CALCR: variants seen among roughly 807,000 people sequenced by gnomAD.
CALCR encodes the protein calcitonin receptor.
In CALCR, 47 loss-of-function variants were observed where a neutral mutation model predicts 59.5. The observed-to-expected ratio is 0.79, with a 90% CI of 0.63 to 1.01. The LOEUF is 1.01. Ranked by LOEUF, CALCR falls within the 50% of genes least tolerant of loss-of-function variation. The pLI is 0.00. For synonymous variants in CALCR, 213 were observed against 211.3 expected, an observed-to-expected ratio of 1.01 and a Z score of -0.07; for missense variants, 566 against 597.1, an observed-to-expected ratio of 0.95 and a Z score of 0.54.
chr7:93,436,241 T>C, intron 11 of CALCR, 71 bp from the exon 12 acceptor site: 14 of 1,265,006 alleles, frequency 1.1e-5, no homozygotes, highest in Non-Finnish European at 1.6e-5. Context: ...TGTTCTCAAT[T>C]CTTGTTTATC....
chr7:93,510,464 A>G (rs565364228), intron 2 of CALCR, among the ~76,000 whole-genome samples: 2 of 152,192 alleles, frequency 1.3e-5, no homozygotes, highest in Non-Finnish European at 2.9e-5. Context: ...AGCTTTCCCA[A>G]AGGAGTTTTA....
intron 3 of CALCR, among the ~76,000 whole-genome samples, chr7:93,485,303 C>A (rs1428260127): frequency 6.6e-6 from 1 of 151,566 alleles, no homozygotes; most frequent in Non-Finnish European, 1.5e-5. Flanking sequence ...ATGTTTCTGT[C>A]CATGGCTCAT....
At chr7:93,485,816 T>C (rs1227320174) in intron 3 of CALCR, among the ~76,000 whole-genome samples, 1 of 151,510 alleles carries the variant, frequency 6.6e-6, no homozygotes, top group Non-Finnish European at 1.5e-5. Flanking sequence ...TAGGATAAAA[T>C]GATAAGACAA....
rs1443792493 is a variant in CALCR, at chr7:93,425,143, G to C, written c.*1213C>G. Reference sequence around the variant, plus strand: ...AGGATTTTCAAAAATCTTATACTGGGAAGTAAAGAGAGATATGATAATATA... The same window carrying C: ...AGGATTTTCAAAAATCTTATACTGGCAAGTAAAGAGAGATATGATAATATA... On this transcript the variant is annotated 3_prime_UTR_variant, in exon 14 of 14. Coordinates refer to ENST00000426151, the MANE Select transcript of CALCR (RefSeq NM_001742.4). 1.3e-5 allele frequency: 2 copies of C among 152,588 alleles called. No homozygotes were observed. Among genetic ancestry groups the C allele is most frequent in the East Asian group, 1.9e-4 (1 of 5,198 alleles). The allele number at this position is 152,588 out of a possible 1,614,324, so 9.5% of individuals were successfully genotyped here. A position where few individuals can be genotyped will look rare whatever the true frequency, so the allele number is the denominator to read the frequency against.
At chr7:93,462,052 G>C in intron 7 of CALCR, 1 of 1,443,684 alleles carries the variant, frequency 6.9e-7, no homozygotes, top group Non-Finnish European at 9.3e-7. Context: ...AAATAGCCTG[G>C]GTTTACTTAC....
chr7:93,561,540 A>G (rs1159053353), intron 2 of CALCR, among the ~76,000 whole-genome samples: 1 of 152,168 alleles, frequency 6.6e-6, no homozygotes, highest in Non-Finnish European at 1.5e-5. Context: ...TTGTTAATTA[A>G]AAGAGTTTAA....
chr7:93,480,791 G>A (rs1800778112), intron 3 of CALCR, among the ~76,000 whole-genome samples: 1 of 151,856 alleles, frequency 6.6e-6, no homozygotes, highest in South Asian at 2.1e-4. Flanking sequence ...TGTATCTTGA[G>A]TGTGGGAAGT....
Position 93,426,570 on chromosome 7 carries a change from C to T in CALCR, c.1211G>A (p.Arg404His). The T allele has an allele frequency of 6.2e-7, 1 of 1,605,826 alleles. No individual in the cohort carries two copies. Among genetic ancestry groups the T allele is most frequent in the Non-Finnish European group, 8.5e-7 (1 of 1,173,854 alleles). The change falls in exon 14 of 14, where the codon CGC becomes CAC. Residue 404 changes from arginine (R) to histidine (H), a missense_variant. Coordinates refer to ENST00000426151, the MANE Select transcript of CALCR (RefSeq NM_001742.4). ...CTGAATTTTGAATTGGGCCCATTGG[C>T]GCTTCACGGTGGTTTGGACCTGGAA... Reference protein sequence around the residue: ...CNNEVQTTVKRQWAQFKIQWN... With the variant: ...CNNEVQTTVKHQWAQFKIQWN...
intron 8 of CALCR, among the ~76,000 whole-genome samples, chr7:93,449,203 T>G (rs1800061394): frequency 6.6e-6 from 1 of 152,024 alleles, no homozygotes; most frequent in African/African-American, 2.4e-5. Context: ...TACATTTCCC[T>G]GAAGCTTCTA....
Position 93,426,350 on chromosome 7 carries a change from T to C in CALCR, c.*6A>G. 1.3e-6 allele frequency: 2 copies of C among 1,511,400 alleles called. No homozygotes were observed. The highest frequency in any genetic ancestry group is 1.8e-6 in the Non-Finnish European group (2 of 1,087,092). The allele number at this position is 1,511,400 out of a possible 1,614,324, so 93.6% of individuals were successfully genotyped here. On this transcript the variant is annotated 3_prime_UTR_variant, in exon 14 of 14. Transcript: ENST00000426151. The stretch of plus-strand genomic sequence containing the variant: ...CAGTGATCACGATGCTGTGTTTGCT[T>C]CACATTCAAGCAGATGACTCTTGCT...
At chr7:93,495,657 G>A (rs1801185189) in intron 2 of CALCR, among the ~76,000 whole-genome samples, 1 of 151,314 alleles carries the variant, frequency 6.6e-6, no homozygotes, top group African/African-American at 2.4e-5. Context: ...ACCTGTCTCA[G>A]TAATCTGGCT....
intron 2 of CALCR, among the ~76,000 whole-genome samples, chr7:93,552,242 A>G (rs1789479342): frequency 6.6e-6 from 1 of 152,162 alleles, no homozygotes; most frequent in African/African-American, 2.4e-5. Flanking sequence ...TGGCTATGAA[A>G]ATTAAATAAG....
In CALCR at chr7:93,515,532, T is replaced by C. The variant is rs191783536; in HGVS notation, c.-26-28525A>G. On this transcript the variant is annotated intron_variant, in intron 2 of 13. Transcript: ENST00000426151. ...TTAGCTGTTATTATTTTGGTGTTTATGTTTCTCAAATATATCTGCTTATAT... is the reference window on the plus strand; with the variant it reads ...TTAGCTGTTATTATTTTGGTGTTTACGTTTCTCAAATATATCTGCTTATAT... Among the ~76,000 whole-genome samples, 447 of 152,222 alleles carry C rather than the reference T, an allele frequency of 2.9e-3. 2 individuals carry two copies. The highest frequency in any genetic ancestry group is 9.9e-3 in the South Asian group (48 of 4,834).
intron 2 of CALCR, among the ~76,000 whole-genome samples, chr7:93,505,375 G>C (rs1343727415): frequency 6.6e-6 from 1 of 152,230 alleles, no homozygotes; most frequent in South Asian, 2.1e-4. Flanking sequence ...TGATAGATTC[G>C]GGAAAGTTTA....
chr7:93,558,954 C>T (rs1478075251), intron 2 of CALCR, among the ~76,000 whole-genome samples: 2 of 151,958 alleles, frequency 1.3e-5, no homozygotes, highest in Non-Finnish European at 2.9e-5. Flanking sequence ...TTTGACAAGC[C>T]CTTTGGGTGA....
At position 93,425,862 on chromosome 7, in the gene CALCR, A is replaced by G. The variant is rs1367308419; in HGVS notation, c.*494T>C. 2 of 152,964 alleles carry G rather than the reference A, an allele frequency of 1.3e-5. No homozygotes were observed. Among genetic ancestry groups the G allele is most frequent in the African/African-American group, 4.8e-5 (2 of 41,466 alleles). 9.5% of individuals were successfully genotyped at this position (152,964 alleles called of 1,614,324 possible). A position where few individuals can be genotyped will look rare whatever the true frequency, so the allele number is the denominator to read the frequency against. On this transcript the variant is annotated 3_prime_UTR_variant, in exon 14 of 14. Transcript: ENST00000426151. ...AGGTCACGTAGTTCATGTGGTTTACATTGTAAGGATGGTAAAACATCTCAG... is the reference window on the plus strand; with the variant it reads ...AGGTCACGTAGTTCATGTGGTTTACGTTGTAAGGATGGTAAAACATCTCAG...
At chr7:93,562,300 A>ATCAGGCT (rs1789768102) in intron 2 of CALCR, among the ~76,000 whole-genome samples, 1 of 152,114 alleles carries the variant, frequency 6.6e-6, no homozygotes, top group Non-Finnish European at 1.5e-5. Flanking sequence ...ATAGCTTGGC[A>ATCAGGCT]TGTATCAACA....
chr7:93,437,664 T>C (rs1210589930), intron 11 of CALCR, among the ~76,000 whole-genome samples: 2 of 149,872 alleles, frequency 1.3e-5, no homozygotes, highest in East Asian at 2.0e-4. Flanking sequence ...TTTGGATTTC[T>C]GGACCTTAAG....
At chr7:93,487,374 C>G (rs1172380366) in intron 2 of CALCR, among the ~76,000 whole-genome samples, 1 of 151,382 alleles carries the variant, frequency 6.6e-6, no homozygotes, top group Non-Finnish European at 1.5e-5. Flanking sequence ...AAGAAGTCAC[C>G]TCACTGGACA....
Sources: allele counts gnomAD v4.1 joint callset (sites outside exome capture counted in the v4.1 genomes callset), GRCh38; gene constraint gnomAD v4.1.1; transcripts MANE v1.5; gene names NCBI Gene and HGNC (gene_info 2026-07-23, HGNC 2026-07-21).